Variants in EPB41L2 observed in about 807,000 individuals in gnomAD.
The protein encoded by EPB41L2 is band 4.1-like protein 2.
EPB41L2 carries 43 observed loss-of-function variants against 113.0 expected under a neutral mutation model. The ratio of observed to expected loss-of-function variants is 0.38; its 90% CI spans 0.30 to 0.49. EPB41L2 has a LOEUF of 0.49. EPB41L2 is among the 20% of genes least tolerant of loss of function. The probability of loss-of-function intolerance (pLI) is 0.95; values close to 1 mark genes in which losing one functional copy is unlikely to be tolerated. For synonymous variants in EPB41L2, 442 were observed against 436.7 expected (o/e 1.01, Z -0.15); for missense variants, 1,147 against 1,223.4 (o/e 0.94, Z 0.93).
At chr6:130,899,443 T>C in intron 8 of EPB41L2, 48 bp downstream of exon 8, 1 of 1,506,992 alleles carries the variant, frequency 6.6e-7, no homozygotes, top group Non-Finnish European at 9.2e-7. Flanking sequence ...TCTCAAAACC[T>C]CAGTCAACAG....
chr6:131,002,707 C>T (rs1446769633), intron 1 of EPB41L2, among the ~76,000 whole-genome samples: 1 of 152,162 alleles, frequency 6.6e-6, no homozygotes, highest in African/African-American at 2.4e-5. Context: ...TTTTTAACCT[C>T]TATTTCTTTC....
In EPB41L2 at chr6:130,908,817, T is replaced by G. The variant is rs767369958; in HGVS notation, c.853+4A>C. ...CTTCAAAGAATGATTATTTATATAC[T>G]TACTTCTCAGTTGTCTCTTTATTTC... On this transcript the variant is annotated splice_donor_region_variant and intron_variant, in intron 5 of 19. Transcript: ENST00000337057. 6.3e-7 allele frequency: 1 copy of G among 1,595,454 alleles called. No homozygotes were observed. The highest frequency in any genetic ancestry group is 1.7e-5 in the Admixed American group (1 of 58,002).
In EPB41L2 at chr6:130,867,498, G is replaced by T; in HGVS notation, c.2691C>A (p.Val897=). The T allele has an allele frequency of 1.2e-6, 2 of 1,614,006 alleles. No homozygotes were observed. The highest frequency in any genetic ancestry group is 1.7e-6 in the Non-Finnish European group (2 of 1,179,906). ...ATGTGATGGTTTTGGTCTCAGTTTGGACAATGGGGACTTCCTTGGTGGAGA... is the reference window on the plus strand; with the variant it reads ...ATGTGATGGTTTTGGTCTCAGTTTGTACAATGGGGACTTCCTTGGTGGAGA... ...TEISTKEVPI[V]QTETKTITYE... The change falls in exon 16 of 20, where the codon GTC becomes GTA. Residue 897 remains valine (V), a synonymous_variant. Transcript: ENST00000337057.
intron 3 of EPB41L2, among the ~76,000 whole-genome samples, chr6:130,953,743 T>A (rs1405246468): frequency 2.6e-5 from 4 of 151,952 alleles, no homozygotes; most frequent in African/African-American, 4.8e-5. Flanking sequence ...TTAGTGCCCC[T>A]GTAACTGAGG....
chr6:130,979,140 T>C (rs553035010), intron 1 of EPB41L2, among the ~76,000 whole-genome samples: 69 of 152,124 alleles, frequency 4.5e-4, no homozygotes, highest in Non-Finnish European at 8.2e-4. Context: ...ATTAACTTTG[T>C]ATTTCTGGAA....
At chr6:130,875,798 C>T (rs946405386) in intron 14 of EPB41L2, among the ~76,000 whole-genome samples, 2 of 151,982 alleles carry the variant, frequency 1.3e-5, no homozygotes, top group Non-Finnish European at 1.5e-5. Context: ...GGAGTCAAGA[C>T]CAGTCTGGTC....
At chr6:130,938,857 T>C (rs1809812271) in intron 3 of EPB41L2, among the ~76,000 whole-genome samples, 1 of 152,204 alleles carries the variant, frequency 6.6e-6, no homozygotes, top group Non-Finnish European at 1.5e-5. Flanking sequence ...CTCTGTTACT[T>C]AGCTGCTTAT....
At chr6:130,891,542 G>C (rs1464938400) in intron 10 of EPB41L2, among the ~76,000 whole-genome samples, 1 of 152,022 alleles carries the variant, frequency 6.6e-6, no homozygotes, top group East Asian at 1.9e-4. Context: ...TCCGCCTCCC[G>C]GGTTCGAGTG....
intron 18 of EPB41L2, among the ~76,000 whole-genome samples, chr6:130,860,705 T>C (rs1367760696): frequency 6.6e-6 from 1 of 151,454 alleles, no homozygotes; most frequent in African/African-American, 2.4e-5. Flanking sequence ...GCTAATTTTT[T>C]TTCTATTTTT....
chr6:130,914,516 C>T (rs1800354563), intron 4 of EPB41L2, among the ~76,000 whole-genome samples: 1 of 152,138 alleles, frequency 6.6e-6, no homozygotes, highest in Admixed American at 6.5e-5. Context: ...TCCAGTTTGG[C>T]CGATGGTAAA....
intron 4 of EPB41L2, among the ~76,000 whole-genome samples, chr6:130,922,988 G>A (rs1466205189): frequency 2.0e-5 from 3 of 152,014 alleles, no homozygotes; most frequent in Admixed American, 2.0e-4. Flanking sequence ...GTAAGTTATT[G>A]AACCTAAAAC....
intron 13 of EPB41L2, chr6:130,878,458 C>T (rs1010143714): frequency 2.1e-5 from 10 of 478,636 alleles, no homozygotes; most frequent in African/African-American, 1.6e-4. Context: ...AAAGTCAATG[C>T]GTACTTCTTC....
chr6:130,949,632 G>C (rs117926671), intron 3 of EPB41L2, among the ~76,000 whole-genome samples: 4 of 151,886 alleles, frequency 2.6e-5, no homozygotes, highest in African/African-American at 9.7e-5. Context: ...GAGTGGAGGA[G>C]AGGGGAGACC....
intron 1 of EPB41L2, among the ~76,000 whole-genome samples, chr6:131,042,678 G>A (rs1258268561): frequency 6.6e-6 from 1 of 150,440 alleles, no homozygotes; most frequent in East Asian, 1.9e-4. Flanking sequence ...GGGAAAAAAA[G>A]AGTCACTAAG....
chr6:131,007,151 A>C (rs1367049238), intron 1 of EPB41L2, among the ~76,000 whole-genome samples: 1 of 152,192 alleles, frequency 6.6e-6, no homozygotes, highest in Admixed American at 6.5e-5. Context: ...CCCCACTCAG[A>C]TCTCACCTTG....
rs771495940 is a variant in EPB41L2, at chr6:130,915,041, C to T, written c.811-6178G>A. 5.3e-5 allele frequency among the ~76,000 whole-genome samples: 8 copies of T among 152,182 alleles called. No individual in the cohort carries two copies. In the South Asian group the frequency reaches 8.3e-4, roughly 16 times the overall value. On this transcript the variant is annotated intron_variant, in intron 4 of 19. Coordinates refer to ENST00000337057, the MANE Select transcript of EPB41L2 (RefSeq NM_001431.4). Reference sequence around the variant, plus strand: ...ATCACCGGCCGGGCGCGGTGGCTCACGCCTGTAATCCCAGCACTTTGGGAG... The same window carrying T: ...ATCACCGGCCGGGCGCGGTGGCTCATGCCTGTAATCCCAGCACTTTGGGAG...
In EPB41L2 at chr6:130,955,088, T is replaced by A; in HGVS notation, c.705+17A>T. 1 of 1,610,140 alleles carries A rather than the reference T, an allele frequency of 6.2e-7. No homozygotes were observed. Among genetic ancestry groups the A allele is most frequent in the Non-Finnish European group, 8.5e-7 (1 of 1,176,508 alleles). ...ATCCACATATCAAGCTAGCTCTCAC[T>A]CAGCTCCCTATCTCACCTCCAGGTC... On this transcript the variant is annotated intron_variant, in intron 3 of 19. Coordinates refer to ENST00000337057, the MANE Select transcript of EPB41L2 (RefSeq NM_001431.4).
rs576968344 is a variant in EPB41L2 at position 130,846,338 on chromosome 6, T to C, written c.*6-5740A>G. Among the ~76,000 whole-genome samples the C allele has an allele frequency of 3.0e-4, 46 of 152,358 alleles. No homozygotes were observed. In the South Asian group the frequency reaches 8.9e-3, roughly 29 times the overall value. ...TATAAAACTTCTCAGTTTTGACTTA[T>C]GATAAATTTCAATAGATACAATTCA... On this transcript the variant is annotated intron_variant, in intron 19 of 19. Coordinates refer to ENST00000337057, the MANE Select transcript of EPB41L2 (RefSeq NM_001431.4).
At chr6:130,870,395 AGCAACC>A (rs1040111353) in intron 14 of EPB41L2, 16 of 1,550,498 alleles carry the variant, frequency 1.0e-5, no homozygotes, top group Non-Finnish European at 1.4e-5. Flanking sequence ...CAGAACAAAA[AGCAACC>A]GAGGACACAA....
Sources: allele counts gnomAD v4.1 joint callset (sites outside exome capture counted in the v4.1 genomes callset), GRCh38; gene constraint gnomAD v4.1.1; transcripts MANE v1.5; gene names NCBI Gene and HGNC (gene_info 2026-07-23, HGNC 2026-07-21).